Variants in ADGRE1 observed in about 807,000 individuals in gnomAD.
ADGRE1 encodes EGF-like module receptor 1.
In ADGRE1, 82 loss-of-function variants were observed where a neutral mutation model predicts 102.7. That is an observed-to-expected ratio of 0.80 (90% CI 0.67 to 0.96). ADGRE1 has a LOEUF of 0.96. Ranked by LOEUF, ADGRE1 falls within the 40% of genes least tolerant of loss-of-function variation. The pLI is 0.00. For missense variants in ADGRE1, 1,032 were observed against 1,085.3 expected (o/e 0.95, Z 0.69); for synonymous variants, 398 against 399.6 (o/e 1.00, Z 0.05).
intron 5 of ADGRE1, among the ~76,000 whole-genome samples, chr19:6,899,806 T>A (rs967692291): frequency 5.9e-5 from 9 of 151,896 alleles, no homozygotes; most frequent in African/African-American, 2.2e-4. Context: ...AAGTTATCTT[T>A]AATCAGCCGG....
At chr19:6,897,825 T>C (rs1973619729) in intron 5 of ADGRE1, 2 of 221,408 alleles carry the variant, frequency 9.0e-6, no homozygotes, top group Non-Finnish European at 1.8e-5. Context: ...AAGTGGAGCA[T>C]TAGGCCATTT....
chr19:6,916,287 G>C lies in ADGRE1; in HGVS notation c.1339G>C (p.Glu447Gln), dbSNP rs368294466. Reference protein sequence around the residue: ...SKVINKECSEENVTLDLVAKG... With the variant: ...SKVINKECSEQNVTLDLVAKG... The stretch of plus-strand genomic sequence containing the variant: ...AGTTATCAACAAAGAATGCAGTGAA[G>C]AGAATGTGACGTTGGACTTGGTAGC... Residue 447 changes from glutamate (E) to glutamine (Q), a missense_variant, in exon 12 of 21, where the codon GAG becomes CAG. By Grantham distance (29) the Glu-to-Gln change is conservative. Coordinates refer to ENST00000312053, the MANE Select transcript of ADGRE1 (RefSeq NM_001974.5). The C allele has an allele frequency of 6.2e-7, 1 of 1,613,472 alleles. No individual in the cohort carries two copies. Among genetic ancestry groups the C allele is most frequent in the Non-Finnish European group, 8.5e-7 (1 of 1,179,622 alleles).
At chr19:6,914,858 C>T (rs933667104) in intron 11 of ADGRE1, among the ~76,000 whole-genome samples, 11 of 151,666 alleles carry the variant, frequency 7.3e-5, no homozygotes, top group South Asian at 2.1e-4. Context: ...AAGAGAGCCA[C>T]GTAAATATCT....
At chr19:6,924,551 G>A in intron 14 of ADGRE1, 127 bp from the exon 15 acceptor site, 4 of 720,744 alleles carry the variant, frequency 5.5e-6, no homozygotes, top group Non-Finnish European at 4.7e-6. Flanking sequence ...AGTTCACTCT[G>A]AGTGTTAGAG....
intron 1 of ADGRE1, 60 bp from the exon 2 acceptor site, chr19:6,890,421 G>GTTTTTTTTTTTTTT: frequency 1.1e-5 from 5 of 450,552 alleles, no homozygotes; most frequent in Non-Finnish European, 1.7e-5. Context: ...AGCCCAAAAG[G>GTTTTTTTTTTTTTT]TTTTTTTTTT....
rs561887179 is a variant in ADGRE1, at chr19:6,913,927, T to C, written c.1300+97T>C. ...TTCCCTGGGTTTCCCACCCATTCTT[T>C]CCCCAACTGTTTAAAAACTTTGAAT... is the stretch of plus-strand genomic sequence containing the variant. On this transcript the variant is annotated intron_variant, in intron 11 of 20. Transcript: ENST00000312053. 1.5e-5 allele frequency: 20 copies of C among 1,316,944 alleles called. 1 individual carries two copies. In the South Asian group the frequency reaches 3.3e-4, roughly 22 times the overall value. The allele number at this position is 1,316,944 out of a possible 1,614,324, so 81.6% of individuals were successfully genotyped here. A position where few individuals can be genotyped will look rare whatever the true frequency, so the allele number is the denominator to read the frequency against.
In ADGRE1 at chr19:6,897,441, C is replaced by T; in HGVS notation, c.408C>T (p.Cys136=). 1 of 1,594,706 alleles carries T rather than the reference C, an allele frequency of 6.3e-7. No homozygotes were observed. Among genetic ancestry groups the T allele is most frequent in the Non-Finnish European group, 8.5e-7 (1 of 1,170,386 alleles). Residue 136 remains cysteine (C), a synonymous_variant, in exon 5 of 21, where the codon TGC becomes TGT. Coordinates refer to ENST00000312053, the MANE Select transcript of ADGRE1 (RefSeq NM_001974.5). ...GNFSCTDINE[C]LTSSVCPEHS... ...ACTGCTTCTCAGATATCAATGAGTGCCTCACCAGCAGCGTCTGCCCTGAGC... is the reference window on the plus strand; with the variant it reads ...ACTGCTTCTCAGATATCAATGAGTGTCTCACCAGCAGCGTCTGCCCTGAGC...
At chr19:6,933,720 T>C (rs6510931) in intron 17 of ADGRE1, among the ~76,000 whole-genome samples, 79,449 of 151,700 alleles carry the variant, frequency 0.52, 22,702 homozygotes, top group African/African-American at 0.75. Context: ...ACTAGAGAGG[T>C]GGGTTCTACT....
intron 1 of ADGRE1, 50 bp from the exon 2 acceptor site, chr19:6,890,421 GTTTTTTTTTT>G (rs57355800): frequency 4.4e-6 from 2 of 451,324 alleles, no homozygotes; most frequent in Non-Finnish European, 6.6e-6. Context: ...AGCCCAAAAG[GTTTTTTTTTT>G]TTTTTTTTTT....
At chr19:6,925,640 G>A (rs1220819289) in intron 15 of ADGRE1, among the ~76,000 whole-genome samples, 4 of 152,066 alleles carry the variant, frequency 2.6e-5, no homozygotes, top group East Asian at 1.9e-4. Flanking sequence ...TACAGATGTC[G>A]ATAATGCTAC....
intron 17 of ADGRE1, among the ~76,000 whole-genome samples, chr19:6,930,885 C>T (rs370488281): frequency 1.9e-4 from 29 of 152,152 alleles, no homozygotes; most frequent in South Asian, 1.7e-3. Flanking sequence ...GTGACCCACC[C>T]GCCTCGACCT....
At chr19:6,937,951 A>T (rs1479752027) in intron 20 of ADGRE1, among the ~76,000 whole-genome samples, 1 of 151,526 alleles carries the variant, frequency 6.6e-6, no homozygotes, top group Non-Finnish European at 1.5e-5. Context: ...ATACATATTT[A>T]TATGTTATGT....
chr19:6,930,282 C>T (rs1007748940), intron 17 of ADGRE1, among the ~76,000 whole-genome samples: 1 of 152,054 alleles, frequency 6.6e-6, no homozygotes, highest in Non-Finnish European at 1.5e-5. Context: ...AATGGTGGAT[C>T]GAGGCAAAGG....
At chr19:6,932,430 T>G (rs1274386111) in intron 17 of ADGRE1, among the ~76,000 whole-genome samples, 3 of 152,112 alleles carry the variant, frequency 2.0e-5, no homozygotes, top group Non-Finnish European at 4.4e-5. Flanking sequence ...ATGGCGCCAC[T>G]GCCCTCCAGC....
chr19:6,909,934 A>G (rs1224771487), intron 10 of ADGRE1, among the ~76,000 whole-genome samples: 1 of 152,020 alleles, frequency 6.6e-6, no homozygotes, highest in African/African-American at 2.4e-5. Flanking sequence ...AGGTTTCTCC[A>G]TGTTGATCAG....
chr19:6,890,488 T>C lies in ADGRE1; in HGVS notation c.39T>C (p.Cys13=). ...TCTTTTCTTTCTTCACAGGATGTTG[T>C]GTTATGCACAGCTGGGAAGGGCACA... ...GFNLLLFWGC[C]VMHSWEGHIR... Residue 13 remains cysteine (C), a synonymous_variant, in exon 2 of 21, where the codon TGT becomes TGC. Coordinates refer to ENST00000312053, the MANE Select transcript of ADGRE1 (RefSeq NM_001974.5). The C allele has an allele frequency of 6.2e-7, 1 of 1,606,082 alleles. No homozygotes were observed. The highest frequency in any genetic ancestry group is 8.5e-7 in the Non-Finnish European group (1 of 1,177,788).
In ADGRE1 at chr19:6,916,229, C is replaced by T. The variant is rs1469217315; in HGVS notation, c.1301-20C>T. The T allele has an allele frequency of 1.9e-6, 3 of 1,606,308 alleles. No individual in the cohort carries two copies. Among genetic ancestry groups the T allele is most frequent in the African/African-American group, 2.7e-5 (2 of 74,700 alleles). Reference sequence around the variant, plus strand: ...GACTTTCTGGGTGACCTCATACGAACTCTCCCTTTCTCTTTTTAGACATTG... The same window carrying T: ...GACTTTCTGGGTGACCTCATACGAATTCTCCCTTTCTCTTTTTAGACATTG... On this transcript the variant is annotated intron_variant, in intron 11 of 20. Coordinates refer to ENST00000312053, the MANE Select transcript of ADGRE1 (RefSeq NM_001974.5).
intron 16 of ADGRE1, 112 bp from the exon 17 acceptor site, chr19:6,928,033 T>A: frequency 7.5e-7 from 1 of 1,329,806 alleles, no homozygotes; most frequent in Admixed American, 2.3e-5. Context: ...CTGAGCATCA[T>A]CTGAGTCTCA....
chr19:6,928,650 TAA>T (rs1975021558), intron 17 of ADGRE1: 1 of 170,016 alleles, frequency 5.9e-6, no homozygotes, highest in Admixed American at 5.8e-5. Context: ...AATAAATAAA[TAA>T]GTTATCGGCC....
Sources: gnomAD v4.1 joint callset for allele counts (sites outside exome capture counted in the v4.1 genomes callset) on GRCh38, gnomAD v4.1.1 for gene constraint, MANE v1.5 for transcripts, NCBI Gene and HGNC (gene_info 2026-07-23, HGNC 2026-07-21) for gene names.